PARD3B: variants seen among roughly 807,000 people sequenced by gnomAD.
PARD3B encodes par-3 family cell polarity regulator beta, also known as partitioning defective 3 homolog B.
PARD3B carries 103 observed loss-of-function variants against 130.2 expected under a neutral mutation model. The ratio of observed to expected loss-of-function variants is 0.79; its 90% CI spans 0.67 to 0.93. The LOEUF (loss-of-function observed/expected upper bound fraction) is 0.93. PARD3B is among the 40% of genes least tolerant of loss of function. PARD3B has a pLI of 0.00. For missense variants in PARD3B, 1,609 were observed against 1,499.2 expected (o/e 1.07, Z -1.21); for synonymous variants, 583 against 553.2 (o/e 1.05, Z -0.76).
At chr2:205,218,845 T>G (rs1282885235) in intron 15 of PARD3B, among the ~76,000 whole-genome samples, 1 of 152,082 alleles carries the variant, frequency 6.6e-6, no homozygotes, top group East Asian at 1.9e-4. Context: ...TTTGGGAGGC[T>G]GAAGTGGGCA....
rs961905816 is a variant in PARD3B at position 205,592,644 on chromosome 2, G to T, written c.3261-22812G>T. Among the ~76,000 whole-genome samples the T allele has an allele frequency of 6.6e-6, 1 of 152,176 alleles. No individual in the cohort carries two copies. Among genetic ancestry groups the T allele is most frequent in the Non-Finnish European group, 1.5e-5 (1 of 68,020 alleles). On this transcript the variant is annotated intron_variant, in intron 22 of 22. Transcript: ENST00000406610. This position sits in a 1 kb window ranked among gnomAD's most constrained non-coding sequence, Gnocchi z 4.5. ...CTGCGTTATATTTAAGGTTTTTCAT[G>T]ATCTTATATATCTTACCATATAAAT... is the stretch of plus-strand genomic sequence containing the variant.
At chr2:204,781,440 C>T (rs1017160563) in intron 2 of PARD3B, among the ~76,000 whole-genome samples, 1 of 152,090 alleles carries the variant, frequency 6.6e-6, no homozygotes, top group African/African-American at 2.4e-5. Context: ...CTTTATACTG[C>T]ATAAGCTTAA....
In PARD3B at chr2:205,544,505, A is replaced by C. The variant is rs1400411957; in HGVS notation, c.3181-8819A>C. Among the ~76,000 whole-genome samples, 16 of 152,102 alleles carry C rather than the reference A, an allele frequency of 1.1e-4. No individual in the cohort carries two copies. In the South Asian group the frequency reaches 3.1e-3, roughly 30 times the overall value. ...CTGATAGATGAAGCCAAATTTGTAA[A>C]ATTGTATCCACAATCATAGTTTCTA... On this transcript the variant is annotated intron_variant, in intron 21 of 22. Transcript: ENST00000406610.
At chr2:205,171,180 G>GCAGCAT (rs2035155320) in intron 11 of PARD3B, among the ~76,000 whole-genome samples, 1 of 152,218 alleles carries the variant, frequency 6.6e-6, no homozygotes, top group Non-Finnish European at 1.5e-5. Context: ...AGCAGCAGCA[G>GCAGCAT]CAGCATGATA....
Position 205,590,185 on chromosome 2 carries a change from G to GGAT in PARD3B, c.3261-25270_3261-25269insATG, listed in dbSNP as rs985586619. Among the ~76,000 whole-genome samples, 2 of 152,018 alleles carry GGAT rather than the reference G, an allele frequency of 1.3e-5. No individual in the cohort carries two copies. Among genetic ancestry groups the GGAT allele is most frequent in the Non-Finnish European group, 2.9e-5 (2 of 68,004 alleles). On this transcript the variant is annotated intron_variant, in intron 22 of 22. Coordinates refer to ENST00000406610, the MANE Select transcript of PARD3B (RefSeq NM_001302769.2). The surrounding 1 kb of genome is among the most constrained non-coding windows in gnomAD (Gnocchi z 4.1). ...TCCAATACAGGAAAAGAAATCTATT[G>GGAT]GTAGATGTAACTGAATTGAAAAGTC...
intron 20 of PARD3B, among the ~76,000 whole-genome samples, chr2:205,459,952 G>T (rs894682777): frequency 2.0e-5 from 3 of 152,170 alleles, no homozygotes; most frequent in Admixed American, 2.0e-4. Flanking sequence ...GCCAGTGTTG[G>T]TGAAAGATGG....
intron 18 of PARD3B, among the ~76,000 whole-genome samples, chr2:205,354,476 AG>A (rs2044116971): frequency 6.6e-6 from 1 of 151,452 alleles, no homozygotes; most frequent in Admixed American, 6.6e-5. Context: ...AATGAAAAAA[AG>A]TAAAAAATTA....
intron 15 of PARD3B, among the ~76,000 whole-genome samples, chr2:205,217,888 AT>A (rs2038025085): frequency 1.3e-5 from 1 of 75,078 alleles, no homozygotes; most frequent in Admixed American, 1.4e-4. Context: ...ATATATATAT[AT>A]ATATATTTTT....
chr2:204,974,900 G>T (rs1434790797), intron 3 of PARD3B, among the ~76,000 whole-genome samples: 1 of 152,178 alleles, frequency 6.6e-6, no homozygotes, highest in African/African-American at 2.4e-5. Flanking sequence ...AAAGCATTGT[G>T]CTAGGCTACC....
At chr2:205,129,894 G>A (rs2031834795) in intron 10 of PARD3B, among the ~76,000 whole-genome samples, 1 of 152,168 alleles carries the variant, frequency 6.6e-6, no homozygotes, top group Admixed American at 6.5e-5. Flanking sequence ...CTCCTGACCT[G>A]CCACCTAAAA....
At chr2:205,496,533 C>T (rs2049932678) in intron 20 of PARD3B, among the ~76,000 whole-genome samples, 1 of 152,120 alleles carries the variant, frequency 6.6e-6, no homozygotes, top group African/African-American at 2.4e-5. Context: ...CCATGACTTT[C>T]TGGGCTGTTT....
intron 19 of PARD3B, among the ~76,000 whole-genome samples, chr2:205,412,637 T>C (rs2046639383): frequency 6.6e-6 from 1 of 152,164 alleles, no homozygotes; most frequent in African/African-American, 2.4e-5. Flanking sequence ...TTTCTAATCA[T>C]AATTTCCACC....
intron 3 of PARD3B, among the ~76,000 whole-genome samples, chr2:205,024,718 A>G (rs1055207176): frequency 2.0e-5 from 3 of 152,200 alleles, no homozygotes; most frequent in African/African-American, 7.2e-5. Flanking sequence ...ATAATTAATG[A>G]AGCACATCAT....
intron 2 of PARD3B, among the ~76,000 whole-genome samples, chr2:204,945,986 C>T (rs1689292677): frequency 6.6e-6 from 1 of 152,172 alleles, no homozygotes; most frequent in Admixed American, 6.5e-5. Flanking sequence ...ATCCCATTGT[C>T]CAGTGAAATC....
intron 22 of PARD3B, among the ~76,000 whole-genome samples, chr2:205,608,394 A>G (rs978779941): frequency 1.3e-5 from 2 of 152,240 alleles, no homozygotes; most frequent in Non-Finnish European, 2.9e-5. Flanking sequence ...GGGGCCTATC[A>G]AGTTAGGATG....
intron 2 of PARD3B, among the ~76,000 whole-genome samples, chr2:204,814,224 C>G (rs2043063235): frequency 6.6e-6 from 1 of 151,752 alleles, no homozygotes; most frequent in Non-Finnish European, 1.5e-5. Context: ...TTCTATTGTA[C>G]ATATATTGCT....
intron 4 of PARD3B, among the ~76,000 whole-genome samples, chr2:205,094,194 G>GT (rs1355774026): frequency 2.0e-5 from 3 of 152,108 alleles, no homozygotes; most frequent in African/African-American, 4.8e-5. Flanking sequence ...CTGTGAAATT[G>GT]TTTTTTGAAA....
At chr2:204,614,901 C>G (rs1013908016) in intron 1 of PARD3B, among the ~76,000 whole-genome samples, 45 of 152,272 alleles carry the variant, frequency 3.0e-4, no homozygotes, top group African/African-American at 1.1e-3. Flanking sequence ...AATTAAAACT[C>G]TTTCTTTATA....
chr2:204,710,523 A>C (rs1367312382), intron 2 of PARD3B, among the ~76,000 whole-genome samples: 2 of 152,212 alleles, frequency 1.3e-5, no homozygotes, highest in Non-Finnish European at 2.9e-5. Context: ...ATGTGGTAGA[A>C]GTTTAGACAG....
Sources: allele counts gnomAD v4.1 joint callset (sites outside exome capture counted in the v4.1 genomes callset), GRCh38; gene constraint gnomAD v4.1.1; non-coding constraint Gnocchi (gnomAD v3.1); transcripts MANE v1.5; gene names NCBI Gene and HGNC (gene_info 2026-07-23, HGNC 2026-07-21).